EYS: variants seen among roughly 807,000 people sequenced by gnomAD.
EYS encodes EGF-like photoreceptor maintenance factor, also known as protein eyes shut homolog.
In EYS, 250 loss-of-function variants were observed where a neutral mutation model predicts 282.1. The observed-to-expected ratio is 0.89, with a 90% CI of 0.80 to 0.98. EYS has a LOEUF of 0.98. EYS is among the 50% of genes least tolerant of loss of function. The pLI is 0.00. For synonymous variants in EYS, 1,355 were observed against 1,282.9 expected (o/e 1.06, Z -1.20); for missense variants, 4,016 against 3,709.0 (o/e 1.08, Z -2.15).
At position 65,371,708 on chromosome 6, in the gene EYS, CCTCTCTCTCT is replaced by C. The variant is rs140879689; in HGVS notation, c.1299+12668_1299+12677del. 6.2e-4 allele frequency among the ~76,000 whole-genome samples: 74 copies of C among 119,158 alleles called. 1 individual carries two copies. The highest frequency in any genetic ancestry group is 9.2e-3 in the Middle Eastern group (2 of 218). 78.2% of individuals were successfully genotyped at this position (119,158 alleles called of 152,430 possible). A position where few individuals can be genotyped will look rare whatever the true frequency, so the allele number is the denominator to read the frequency against. On this transcript the variant is annotated intron_variant, in intron 8 of 42. Transcript: ENST00000503581. ...CTTCAAATTCCTCTCTCTCTCTCTC[CCTCTCTCTCT>C]CTCTCTCTCTCTCTCTCTCTCTCTG...
At chr6:63,871,935 C>A (rs1772816394) in intron 35 of EYS, among the ~76,000 whole-genome samples, 1 of 152,134 alleles carries the variant, frequency 6.6e-6, no homozygotes. Flanking sequence ...CAGCACCTCC[C>A]CTGGAGAATT....
chr6:65,628,457 C>T (rs975761892), intron 2 of EYS, among the ~76,000 whole-genome samples: 8 of 152,170 alleles, frequency 5.3e-5, no homozygotes, highest in Non-Finnish European at 1.0e-4. Context: ...GCAATGGCAA[C>T]CCCCTGGGGT....
chr6:64,860,317 T>C (rs1483581038), intron 19 of EYS, among the ~76,000 whole-genome samples: 1 of 152,220 alleles, frequency 6.6e-6, no homozygotes, highest in African/African-American at 2.4e-5. Context: ...CAGGCTGTGC[T>C]CAGCTCATGC....
At chr6:64,684,883 CA>C (rs1212509483) in intron 22 of EYS, among the ~76,000 whole-genome samples, 3 of 151,640 alleles carry the variant, frequency 2.0e-5, no homozygotes, top group Non-Finnish European at 4.4e-5. Flanking sequence ...TTATCAATAC[CA>C]GATGGGATAA....
intron 31 of EYS, among the ~76,000 whole-genome samples, chr6:64,136,588 T>C (rs954471750): frequency 6.6e-6 from 1 of 152,122 alleles, no homozygotes; most frequent in Non-Finnish European, 1.5e-5. Context: ...GGATGTTGTA[T>C]TGTCAGGCAT....
chr6:64,946,056 G>T, intron 14 of EYS, 142 bp from the exon 15 acceptor site: 1 of 580,556 alleles, frequency 1.7e-6, no homozygotes, highest in Non-Finnish European at 2.8e-6. Flanking sequence ...CCCCCCAAAT[G>T]ACTTTTACCA....
At position 64,626,141 on chromosome 6, in the gene EYS, T is replaced by C. The variant is rs2149856760; in HGVS notation, c.3548A>G (p.Tyr1183Cys). The C allele has an allele frequency of 6.5e-7, 1 of 1,544,442 alleles. No homozygotes were observed. Among genetic ancestry groups the C allele is most frequent in the Non-Finnish European group, 8.7e-7 (1 of 1,143,960 alleles). The change falls in exon 23 of 43, where the codon TAT (tyrosine) becomes TGT (cysteine). Residue 1183 changes from tyrosine to cysteine, a missense_variant. Coordinates refer to ENST00000503581, the MANE Select transcript of EYS (RefSeq NM_001142800.2). ...GADCEDHING[Y>C]VCKCQPGWSG... ...ATTACCTGGTTGGCATTTGCAAACA[T>C]ATCCATTGATGTGATCTTCACAGTC...
chr6:64,615,624 C>A (rs997155657), intron 24 of EYS, among the ~76,000 whole-genome samples: 18 of 151,946 alleles, frequency 1.2e-4, no homozygotes, highest in Non-Finnish European at 2.4e-4. Flanking sequence ...TGTTAAAATT[C>A]TTTTTCAATA....
chr6:65,510,285 C>T (rs748220935), intron 2 of EYS, among the ~76,000 whole-genome samples: 13 of 149,150 alleles, frequency 8.7e-5, no homozygotes, highest in East Asian at 4.0e-4. Context: ...TTTGTTCTTG[C>T]GATAGTTTAC....
At chr6:63,854,547 C>G (rs1292782810) in intron 36 of EYS, among the ~76,000 whole-genome samples, 1 of 152,124 alleles carries the variant, frequency 6.6e-6, no homozygotes, top group Non-Finnish European at 1.5e-5. Flanking sequence ...GTGCAGCAAA[C>G]CACCATGGCA....
At position 65,384,399 on chromosome 6, in the gene EYS, A is replaced by G. The variant is rs777652635; in HGVS notation, c.1286T>C (p.Ile429Thr). The stretch of plus-strand genomic sequence containing the variant: ...TAAATTACTTACTTTGAATCTTCCA[A>G]TTATATTGAAACACCATTCTTCATT... ...CLNEEWCFNI[I>T]GRFKYVCIPG... Residue 429 changes from isoleucine (I) to threonine (T), a missense_variant, in exon 8 of 43, where the codon ATT (isoleucine) becomes ACT (threonine). Transcript: ENST00000503581. 14 of 1,597,380 alleles carry G rather than the reference A, an allele frequency of 8.8e-6. No homozygotes were observed. The highest frequency in any genetic ancestry group is 1.0e-5 in the Non-Finnish European group (12 of 1,167,090).
At chr6:64,994,330 A>G (rs367800853) in intron 14 of EYS, among the ~76,000 whole-genome samples, 3 of 152,044 alleles carry the variant, frequency 2.0e-5, no homozygotes, top group Non-Finnish European at 4.4e-5. Flanking sequence ...TCTGCTTTTC[A>G]TCTAAATTCA....
chr6:63,934,802 T>G, intron 35 of EYS, among the ~76,000 whole-genome samples: 1 of 150,566 alleles, frequency 6.6e-6, no homozygotes, highest in Admixed American at 6.6e-5. Flanking sequence ...TAATGTTAAA[T>G]GAGGAGTTAA....
At chr6:63,863,882 G>T (rs1772607498) in intron 36 of EYS, among the ~76,000 whole-genome samples, 1 of 151,790 alleles carries the variant, frequency 6.6e-6, no homozygotes, top group Non-Finnish European at 1.5e-5. Flanking sequence ...CACCATGTTG[G>T]TCAGGTGGGT....
At chr6:65,448,374 A>G (rs943360821) in intron 5 of EYS, among the ~76,000 whole-genome samples, 4 of 151,930 alleles carry the variant, frequency 2.6e-5, no homozygotes, top group Non-Finnish European at 4.4e-5. Flanking sequence ...TTAATTCCTT[A>G]ATATGATTAG....
intron 2 of EYS, among the ~76,000 whole-genome samples, chr6:65,540,926 A>T (rs2127320751): frequency 6.6e-6 from 1 of 152,246 alleles, no homozygotes; most frequent in Non-Finnish European, 1.5e-5. Flanking sequence ...CTCTATCTCA[A>T]AAAAATTAGA....
At chr6:65,664,061 G>A (rs913885354) in intron 1 of EYS, among the ~76,000 whole-genome samples, 102 of 151,790 alleles carry the variant, frequency 6.7e-4, no homozygotes, top group African/African-American at 2.3e-3. Context: ...TAGTGGAGAC[G>A]GGGTTTCACC....
At chr6:64,768,978 C>T (rs995733156) in intron 22 of EYS, among the ~76,000 whole-genome samples, 2 of 152,096 alleles carry the variant, frequency 1.3e-5, no homozygotes, top group South Asian at 2.1e-4. Flanking sequence ...GAGCTAGATC[C>T]TGTTGCTTCC....
At chr6:63,808,727 G>A (rs932126497) in intron 36 of EYS, among the ~76,000 whole-genome samples, 7 of 152,138 alleles carry the variant, frequency 4.6e-5, no homozygotes, top group African/African-American at 1.7e-4. Context: ...TGACCCATAG[G>A]AATGGATCTG....
Sources: gnomAD v4.1 joint callset for allele counts (sites outside exome capture counted in the v4.1 genomes callset) on GRCh38, gnomAD v4.1.1 for gene constraint, MANE v1.5 for transcripts, NCBI Gene and HGNC (gene_info 2026-07-23, HGNC 2026-07-21) for gene names.